The following CRIM1 variants were observed in gnomAD, a reference collection of about 807,000 sequenced individuals.
CRIM1 encodes cysteine-rich motor neuron 1 protein.
A neutral mutation model predicts 116.4 loss-of-function variants in CRIM1; 32 were observed. That is an observed-to-expected ratio of 0.27 (90% CI 0.21 to 0.37). The LOEUF (loss-of-function observed/expected upper bound fraction) is 0.37. CRIM1 is among the 10% of genes least tolerant of loss of function. CRIM1 has a pLI of 1.00. For synonymous variants in CRIM1, 590 were observed against 509.2 expected, an observed-to-expected ratio of 1.16 and a Z score of -2.13; for missense variants, 1,331 against 1,354.8, an observed-to-expected ratio of 0.98 and a Z score of 0.28.
chr2:36,398,600 T>G (rs768415021), intron 2 of CRIM1, among the ~76,000 whole-genome samples: 1 of 152,244 alleles, frequency 6.6e-6, no homozygotes, highest in African/African-American at 2.4e-5. Flanking sequence ...CGTATCTGAT[T>G]GAATTTCTTT....
At chr2:36,533,607 A>G (rs757216568) in intron 13 of CRIM1, among the ~76,000 whole-genome samples, 14 of 152,108 alleles carry the variant, frequency 9.2e-5, no homozygotes, top group Non-Finnish European at 1.9e-4. Flanking sequence ...AGAAAAAGAA[A>G]AAAGTTATTG....
intron 2 of CRIM1, among the ~76,000 whole-genome samples, chr2:36,437,146 C>T (rs538328186): frequency 4.6e-5 from 7 of 152,270 alleles, no homozygotes; most frequent in Admixed American, 6.5e-5. Context: ...GAGGCCGAGG[C>T]GGGCAGATCA....
Position 36,550,460 on chromosome 2 carries a change from C to T in CRIM1, c.*1759C>T, listed in dbSNP as rs1401253838. On this transcript the variant is annotated 3_prime_UTR_variant, in exon 17 of 17. Coordinates refer to ENST00000280527, the MANE Select transcript of CRIM1 (RefSeq NM_016441.3). ...AGACACAGATACCCAGTATGCTTAA[C>T]GTGAAAAGAAAATGTGTTCTGTTTT... 2 of 152,330 alleles carry T rather than the reference C, an allele frequency of 1.3e-5. No individual in the cohort carries two copies. The highest frequency in any genetic ancestry group is 2.9e-5 in the Non-Finnish European group (2 of 67,976). 9.4% of individuals were successfully genotyped at this position (152,330 alleles called of 1,614,324 possible). A position where few individuals can be genotyped will look rare whatever the true frequency, so the allele number is the denominator to read the frequency against.
chr2:36,363,533 C>CG (rs1669378575), intron 1 of CRIM1, among the ~76,000 whole-genome samples: 1 of 138,712 alleles, frequency 7.2e-6, no homozygotes, highest in Non-Finnish European at 1.7e-5. Flanking sequence ...GTCGCCGCCC[C>CG]CCCCCCCCAT....
chr2:36,361,917 T>C (rs777507648), intron 1 of CRIM1, among the ~76,000 whole-genome samples: 10 of 152,122 alleles, frequency 6.6e-5, no homozygotes, highest in Non-Finnish European at 1.2e-4. Flanking sequence ...GAATAACACA[T>C]TGAAAGCTTT....
At chr2:36,475,053 C>T (rs2125036151) in intron 5 of CRIM1, among the ~76,000 whole-genome samples, 1 of 152,038 alleles carries the variant, frequency 6.6e-6, no homozygotes, top group East Asian at 1.9e-4. Context: ...CTTTGTTCTC[C>T]CTTTTAAGAT....
At chr2:36,438,581 G>GGATT (rs755746956) in intron 2 of CRIM1, among the ~76,000 whole-genome samples, 16 of 152,288 alleles carry the variant, frequency 1.1e-4, no homozygotes, top group South Asian at 6.2e-4. Flanking sequence ...TGGGCTAGAT[G>GGATT]GATTCTCTGA....
intron 13 of CRIM1, chr2:36,529,099 C>G (rs982165228): frequency 1.1e-5 from 5 of 470,558 alleles, no homozygotes; most frequent in Non-Finnish European, 2.2e-5. Context: ...GGCTGCTGCA[C>G]TGCTATTTCC....
chr2:36,357,749 G>T (rs1427341296), intron 1 of CRIM1, among the ~76,000 whole-genome samples: 1 of 152,178 alleles, frequency 6.6e-6, no homozygotes, highest in Non-Finnish European at 1.5e-5. Flanking sequence ...CCTCGTTTCT[G>T]GGGAGGCGGC....
In CRIM1 at chr2:36,550,428, T is replaced by C. The variant is rs1319517077; in HGVS notation, c.*1727T>C. 6.6e-6 allele frequency: 1 copy of C among 152,270 alleles called. No homozygotes were observed. Among genetic ancestry groups the C allele is most frequent in the Non-Finnish European group, 1.5e-5 (1 of 68,014 alleles). The allele number at this position is 152,270 out of a possible 1,614,324, so 9.4% of individuals were successfully genotyped here. On this transcript the variant is annotated 3_prime_UTR_variant, in exon 17 of 17. Transcript: ENST00000280527. ...TTGAGTTTTCTTTTAAAAATGCTTG[T>C]TGTGAAAGACACAGATACCCAGTAT...
chr2:36,364,654 A>G (rs1264053340), intron 1 of CRIM1, among the ~76,000 whole-genome samples: 2 of 152,212 alleles, frequency 1.3e-5, no homozygotes, highest in Non-Finnish European at 2.9e-5. Context: ...GGGCTAGACA[A>G]ACCTGCATTG....
intron 7 of CRIM1, among the ~76,000 whole-genome samples, chr2:36,484,894 C>A (rs1309784477): frequency 6.6e-6 from 1 of 152,184 alleles, no homozygotes; most frequent in African/African-American, 2.4e-5. Context: ...GTAGTTTCCC[C>A]TCTACTATTT....
chr2:36,458,148 C>T (rs999357142), intron 4 of CRIM1, among the ~76,000 whole-genome samples: 2 of 152,150 alleles, frequency 1.3e-5, no homozygotes, highest in Non-Finnish European at 2.9e-5. Flanking sequence ...CTCTAGGATA[C>T]GGGCAGAGGA....
chr2:36,404,266 GA>G (rs1439361888), intron 2 of CRIM1, among the ~76,000 whole-genome samples: 1 of 152,166 alleles, frequency 6.6e-6, no homozygotes, highest in African/African-American at 2.4e-5. Context: ...ATTGTTAATT[GA>G]TTGGTTGACT....
At position 36,522,104 on chromosome 2, in the gene CRIM1, G is replaced by T. The variant is rs142401337; in HGVS notation, c.2219G>T (p.Arg740Leu). The T allele has an allele frequency of 6.2e-7, 1 of 1,613,942 alleles. No individual in the cohort carries two copies. Among genetic ancestry groups the T allele is most frequent in the Non-Finnish European group, 8.5e-7 (1 of 1,179,928 alleles). Residue 740 changes from arginine to leucine, a missense_variant, in exon 13 of 17, where the codon CGG becomes CTG. Around this residue, in one of 3 missense-constraint regions of CRIM1, gnomAD observed 358 missense variants for 436.1 expected, o/e 0.82. Transcript: ENST00000280527. ...CCPQCTDQPFRPSLSRNNSVP... is the reference protein window; with the variant it reads ...CCPQCTDQPFLPSLSRNNSVP... ...TTCATTTTTCCAGATCAACCTTTTC[G>T]GCCTTCCTTGTCCCGCAATAACAGC...
At chr2:36,463,639 T>C (rs1006323831) in intron 4 of CRIM1, among the ~76,000 whole-genome samples, 24 of 152,192 alleles carry the variant, frequency 1.6e-4, no homozygotes, top group African/African-American at 5.8e-4. Context: ...CTGCCCTAAG[T>C]TTCCTGTGTC....
At chr2:36,469,054 A>G (rs1678279787) in intron 5 of CRIM1, among the ~76,000 whole-genome samples, 1 of 152,184 alleles carries the variant, frequency 6.6e-6, no homozygotes, top group Non-Finnish European at 1.5e-5. Context: ...GCCTTACGGT[A>G]TTTAATACTG....
chr2:36,369,509 A>G (rs1669808966), intron 1 of CRIM1, among the ~76,000 whole-genome samples: 1 of 152,180 alleles, frequency 6.6e-6, no homozygotes, highest in Admixed American at 6.5e-5. Flanking sequence ...GATCCCTTCC[A>G]ATAACAGTGT....
chr2:36,521,786 AC>A (rs1665413308), intron 12 of CRIM1, among the ~76,000 whole-genome samples: 1 of 152,244 alleles, frequency 6.6e-6, no homozygotes, highest in African/African-American at 2.4e-5. Context: ...TGTCCCATTT[AC>A]TTACATGCAT....
Sources: gnomAD v4.1 joint callset for allele counts (sites outside exome capture counted in the v4.1 genomes callset) on GRCh38, gnomAD v4.1.1 for gene constraint, gnomAD v4.1.1 regional missense constraint, MANE v1.5 for transcripts, NCBI Gene and HGNC (gene_info 2026-07-23, HGNC 2026-07-21) for gene names.